RBFOX1: variants seen among roughly 807,000 people sequenced by gnomAD.
The protein encoded by RBFOX1 is RNA binding protein fox-1 homolog 1.
RBFOX1 carries 8 observed loss-of-function variants against 57.7 expected under a neutral mutation model. The observed-to-expected ratio is 0.14, with a 90% CI of 0.08 to 0.25. The LOEUF (loss-of-function observed/expected upper bound fraction) is 0.25. RBFOX1 is among the 10% of genes least tolerant of loss of function. The pLI, the probability that RBFOX1 is intolerant of heterozygous loss-of-function variation, is 1.00. For missense variants in RBFOX1, 611 were observed against 548.5 expected (o/e 1.11, Z -1.14); for synonymous variants, 326 against 222.4 (o/e 1.47, Z -4.15).
intron 4 of RBFOX1, among the ~76,000 whole-genome samples, chr16:5,987,550 C>T (rs1050758631): frequency 2.0e-4 from 31 of 151,966 alleles, no homozygotes; most frequent in African/African-American, 7.0e-4. Context: ...AAGTCATAAG[C>T]GGGGCACAGG....
At chr16:6,391,065 T>TA (rs1467799853) in intron 2 of RBFOX1, among the ~76,000 whole-genome samples, 2 of 152,152 alleles carry the variant, frequency 1.3e-5, no homozygotes, top group African/African-American at 2.4e-5. Context: ...GTTGTGACAA[T>TA]AAAAATGTCT....
At chr16:6,884,546 T>G (rs1476933305) in intron 3 of RBFOX1, among the ~76,000 whole-genome samples, 2 of 152,182 alleles carry the variant, frequency 1.3e-5, no homozygotes, top group African/African-American at 4.8e-5. Context: ...ATCTGTTACA[T>G]TATCATAAGA....
intron 3 of RBFOX1, among the ~76,000 whole-genome samples, chr16:6,833,705 GAGAA>G (rs1180041411): frequency 6.6e-5 from 10 of 152,184 alleles, no homozygotes; most frequent in Admixed American, 6.5e-4. Flanking sequence ...GTTGTGACCA[GAGAA>G]AGACTCTAGA....
chr16:5,672,055 G>T (rs564284541), intron 3 of RBFOX1, among the ~76,000 whole-genome samples: 1 of 152,174 alleles, frequency 6.6e-6, no homozygotes, highest in Admixed American at 6.5e-5. Context: ...AAAAAAAGGG[G>T]TGCAACTTTC....
At chr16:6,645,800 G>C (rs753817735) in intron 2 of RBFOX1, among the ~76,000 whole-genome samples, 2 of 152,104 alleles carry the variant, frequency 1.3e-5, no homozygotes, top group Non-Finnish European at 2.9e-5. Flanking sequence ...GGCGTGTATT[G>C]GATATGCCTA....
intron 4 of RBFOX1, among the ~76,000 whole-genome samples, chr16:7,414,391 A>G (rs1197428148): frequency 6.6e-6 from 1 of 152,206 alleles, no homozygotes; most frequent in Non-Finnish European, 1.5e-5. Flanking sequence ...AGAAGATTAC[A>G]TGAGAGGAAA....
intron 4 of RBFOX1, among the ~76,000 whole-genome samples, chr16:7,433,515 G>C (rs571669741): frequency 2.0e-5 from 3 of 152,196 alleles, no homozygotes; most frequent in African/African-American, 7.2e-5. Context: ...AGACAAATGC[G>C]CGGTGAAATC....
intron 1 of RBFOX1, among the ~76,000 whole-genome samples, chr16:5,313,415 A>G (rs2064144538): frequency 6.6e-6 from 1 of 152,148 alleles, no homozygotes; most frequent in Non-Finnish European, 1.5e-5. Flanking sequence ...GAAGTGGCTT[A>G]TGTTATTCAC....
chr16:5,672,170 A>T (rs189847862), intron 3 of RBFOX1, among the ~76,000 whole-genome samples: 36 of 152,252 alleles, frequency 2.4e-4, no homozygotes, highest in African/African-American at 7.5e-4. Context: ...AATGGCAGGG[A>T]TGGAAGGATT....
intron 1 of RBFOX1, among the ~76,000 whole-genome samples, chr16:5,333,202 A>AAAG: frequency 1.0e-5 from 1 of 97,504 alleles, no homozygotes; most frequent in Non-Finnish European, 2.4e-5. Context: ...AACAAACAAA[A>AAAG]AACCAAACTA....
chr16:7,613,440 C>T (rs2057904522), intron 10 of RBFOX1, among the ~76,000 whole-genome samples: 1 of 152,158 alleles, frequency 6.6e-6, no homozygotes, highest in Non-Finnish European at 1.5e-5. Context: ...TCACCAAAGT[C>T]ACCTCGACTG....
intron 4 of RBFOX1, among the ~76,000 whole-genome samples, chr16:5,891,769 G>A (rs917461762): frequency 2.0e-5 from 3 of 152,186 alleles, no homozygotes; most frequent in Non-Finnish European, 2.9e-5. Context: ...CAGAGCTGGG[G>A]TAGAGCACAG....
At chr16:6,958,472 T>C (rs2082311653) in intron 3 of RBFOX1, among the ~76,000 whole-genome samples, 1 of 152,200 alleles carries the variant, frequency 6.6e-6, no homozygotes, top group Non-Finnish European at 1.5e-5. Context: ...GGATAATTTG[T>C]GACACAAAAG....
intron 4 of RBFOX1, among the ~76,000 whole-genome samples, chr16:7,414,945 A>T (rs74758523): frequency 1.3e-5 from 2 of 152,182 alleles, no homozygotes; most frequent in African/African-American, 2.4e-5. Flanking sequence ...GTAACAGATT[A>T]TGCAAGGGAA....
intron 4 of RBFOX1, among the ~76,000 whole-genome samples, chr16:7,291,836 C>G (rs2095782479): frequency 1.3e-5 from 2 of 149,418 alleles, no homozygotes; most frequent in African/African-American, 4.9e-5. Context: ...AAATCCTTCA[C>G]AAGTGTGTAA....
chr16:7,160,284 G>A (rs2078033300), intron 4 of RBFOX1, among the ~76,000 whole-genome samples: 1 of 151,852 alleles, frequency 6.6e-6, no homozygotes, highest in Non-Finnish European at 1.5e-5. Context: ...TCTTTGGCAG[G>A]TTTCAGGCAA....
chr16:6,782,039 G>T (rs1049970294), intron 3 of RBFOX1, among the ~76,000 whole-genome samples: 1 of 151,966 alleles, frequency 6.6e-6, no homozygotes, highest in Non-Finnish European at 1.5e-5. Flanking sequence ...ACGGAGCCTT[G>T]CTCTGTCACT....
At chr16:7,082,485 G>T (rs59404780) in intron 4 of RBFOX1, among the ~76,000 whole-genome samples, 14,537 of 151,536 alleles carry the variant, frequency 0.096, 2,154 homozygotes, top group African/African-American at 0.32. Context: ...GGGAGGCTGA[G>T]ATGGGAGGAT....
At chr16:6,057,204 A>T (rs1345220471) in intron 1 of RBFOX1, 1 of 152,094 alleles carries the variant, frequency 6.6e-6, no homozygotes, top group Admixed American at 6.6e-5. Flanking sequence ...ACTAATGTTG[A>T]TATTTACAGT....
Sources: gnomAD v4.1 joint callset for allele counts (sites outside exome capture counted in the v4.1 genomes callset) on GRCh38, gnomAD v4.1.1 for gene constraint, MANE v1.5 for transcripts, NCBI Gene and HGNC (gene_info 2026-07-23, HGNC 2026-07-21) for gene names.